The following ATP8B4 variants were observed in gnomAD, a reference collection of about 807,000 sequenced individuals.
ATP8B4 encodes the protein probable phospholipid-transporting ATPase IM.
A neutral mutation model predicts 145.6 loss-of-function variants in ATP8B4; 133 were observed. That is an observed-to-expected ratio of 0.91 (90% CI 0.79 to 1.05). The LOEUF is 1.05. Ranked by LOEUF, ATP8B4 falls within the 50% of genes least tolerant of loss-of-function variation. ATP8B4 has a pLI of 0.00. For synonymous variants in ATP8B4, 507 were observed against 492.9 expected (o/e 1.03, Z -0.38); for missense variants, 1,458 against 1,425.2 (o/e 1.02, Z -0.37).
intron 1 of ATP8B4, among the ~76,000 whole-genome samples, chr15:50,155,885 T>C (rs2044403861): frequency 6.6e-6 from 1 of 151,720 alleles, no homozygotes; most frequent in Admixed American, 6.6e-5. Context: ...CAATAGGTCA[T>C]CTAATGAAGG....
intron 1 of ATP8B4, among the ~76,000 whole-genome samples, chr15:50,158,657 T>C (rs1412346730): frequency 1.3e-5 from 2 of 152,182 alleles, no homozygotes; most frequent in African/African-American, 4.8e-5. Context: ...TTTTGTGGAA[T>C]AGAAAAGGGG....
At chr15:50,125,512 C>T (rs1304473224) in intron 1 of ATP8B4, among the ~76,000 whole-genome samples, 1 of 152,156 alleles carries the variant, frequency 6.6e-6, no homozygotes, top group Non-Finnish European at 1.5e-5. Context: ...AATTCTGTAT[C>T]AACCCCTCTG....
intron 27 of ATP8B4, among the ~76,000 whole-genome samples, chr15:49,861,473 T>TCTATCTATCTATCTAC (rs1285604644): frequency 0.016 from 2,106 of 135,490 alleles, 26 homozygotes; most frequent in South Asian, 0.036. Context: ...TATCTATCTA[T>TCTATCTATCTATCTAC]CTACCTACCT....
chr15:50,043,523 T>C (rs2051471281), intron 5 of ATP8B4, among the ~76,000 whole-genome samples: 1 of 152,132 alleles, frequency 6.6e-6, no homozygotes, highest in Admixed American at 6.5e-5. Context: ...TCTTCCTCCT[T>C]AGCCTACTAA....
intron 1 of ATP8B4, among the ~76,000 whole-genome samples, chr15:50,157,308 A>T (rs1392899798): frequency 1.3e-5 from 2 of 152,196 alleles, no homozygotes; most frequent in East Asian, 3.9e-4. Flanking sequence ...TATCAAAAAG[A>T]GAGAGACTCA....
At chr15:50,045,874 T>C (rs2051676181) in intron 4 of ATP8B4, among the ~76,000 whole-genome samples, 1 of 152,192 alleles carries the variant, frequency 6.6e-6, no homozygotes, top group South Asian at 2.1e-4. Flanking sequence ...TCTGGAATGG[T>C]GTGAAGTGTT....
chr15:49,886,739 C>G (rs1358129790), intron 23 of ATP8B4, among the ~76,000 whole-genome samples: 1 of 152,152 alleles, frequency 6.6e-6, no homozygotes, highest in South Asian at 2.1e-4. Context: ...TAGAAACCAA[C>G]TTTGCCATAT....
chr15:50,066,926 A>G (rs1369004616), intron 3 of ATP8B4, among the ~76,000 whole-genome samples: 1 of 152,010 alleles, frequency 6.6e-6, no homozygotes, highest in East Asian at 1.9e-4. Context: ...CCTCATAGGC[A>G]CCTACCATTA....
At position 49,979,773 on chromosome 15, in the gene ATP8B4, AT is replaced by A. The variant is rs767650920; in HGVS notation, c.877del (p.Ile293Ter). ...TTGACTCTCCCAGATTGAATTTCCT[AT>A]TGCAAGAATAATTCCCAAGCATATC... ...FLICLGIILA[I>X]GNSIWESQTG... On this transcript the variant is annotated frameshift_variant, in exon 12 of 28. Coordinates refer to ENST00000284509, the MANE Select transcript of ATP8B4 (RefSeq NM_024837.4). LOFTEE classifies it high-confidence loss of function. The A allele has an allele frequency of 1.9e-6, 3 of 1,607,674 alleles. No homozygotes were observed. Among genetic ancestry groups the A allele is most frequent in the African/African-American group, 1.3e-5 (1 of 74,712 alleles).
At chr15:50,033,493 A>T (rs898154151) in intron 6 of ATP8B4, among the ~76,000 whole-genome samples, 2 of 152,246 alleles carry the variant, frequency 1.3e-5, no homozygotes, top group Non-Finnish European at 2.9e-5. Context: ...AAGAATGAAC[A>T]GAGAATCCTC....
intron 7 of ATP8B4, among the ~76,000 whole-genome samples, chr15:50,004,962 G>A (rs2048194743): frequency 6.6e-6 from 1 of 152,164 alleles, no homozygotes; most frequent in African/African-American, 2.4e-5. Context: ...GGGCATCATG[G>A]AATATTCTAG....
chr15:50,068,341 A>G (rs1212188748), intron 3 of ATP8B4, among the ~76,000 whole-genome samples: 1 of 152,204 alleles, frequency 6.6e-6, no homozygotes, highest in Non-Finnish European at 1.5e-5. Context: ...AACACTTTGG[A>G]AAATCCAAAT....
chr15:49,933,712 A>G (rs969100624), intron 15 of ATP8B4, among the ~76,000 whole-genome samples: 4 of 152,074 alleles, frequency 2.6e-5, no homozygotes, highest in African/African-American at 7.2e-5. Flanking sequence ...GTGGTGCTCA[A>G]TTGTAAGAAC....
At position 49,918,875 on chromosome 15, in the gene ATP8B4, T is replaced by G; in HGVS notation, c.1999A>C (p.Asn667His). ...CCTGTTAGGACCCAGATCTTAATAT[T>G]GGCTAGTGATAAACTTGTAACTGTT... is the stretch of plus-strand genomic sequence containing the variant. ...IETVTSLSLA[N>H]IKIWVLTGDK... The change falls in exon 19 of 28, where the codon AAT becomes CAT. Residue 667 changes from asparagine (N) to histidine (H), a missense_variant. Coordinates refer to ENST00000284509, the MANE Select transcript of ATP8B4 (RefSeq NM_024837.4). 1 of 1,613,462 alleles carries G rather than the reference T, an allele frequency of 6.2e-7. No individual in the cohort carries two copies. Among genetic ancestry groups the G allele is most frequent in the African/African-American group, 1.3e-5 (1 of 75,036 alleles).
chr15:50,111,909 T>C (rs1271628621), intron 1 of ATP8B4, among the ~76,000 whole-genome samples: 1 of 152,204 alleles, frequency 6.6e-6, no homozygotes, highest in Non-Finnish European at 1.5e-5. Flanking sequence ...GGCTCATGCC[T>C]GTAATCCCAA....
In ATP8B4 at chr15:50,113,838, C is replaced by CAAAAAAAA. The variant is rs67648465; in HGVS notation, c.-43+5277_-43+5284dup. Among the ~76,000 whole-genome samples the CAAAAAAAA allele has an allele frequency of 9.8e-4, 66 of 67,254 alleles. 2 individuals are homozygous for CAAAAAAAA. The highest frequency in any genetic ancestry group is 4.1e-3 in the African/African-American group (64 of 15,458). 44.1% of individuals were successfully genotyped at this position (67,254 alleles called of 152,430 possible). On this transcript the variant is annotated intron_variant, in intron 1 of 27. Transcript: ENST00000284509. Reference sequence around the variant, plus strand: ...CGGGCAACAACACGAAACTCCATCTCAAAAAAAAAAAAAAAAAAAAAAAAA... The same window carrying CAAAAAAAA: ...CGGGCAACAACACGAAACTCCATCTCAAAAAAAAAAAAAAAAAAAAAAAAAAAAAAAAA...
At chr15:50,175,976 A>C (rs548636692) in intron 1 of ATP8B4, among the ~76,000 whole-genome samples, 2 of 152,180 alleles carry the variant, frequency 1.3e-5, no homozygotes, top group East Asian at 3.9e-4. Flanking sequence ...TGAGTGGTTA[A>C]AGATACTGTG....
At chr15:49,911,846 C>A (rs2039260850) in intron 20 of ATP8B4, among the ~76,000 whole-genome samples, 1 of 151,996 alleles carries the variant, frequency 6.6e-6, no homozygotes, top group African/African-American at 2.4e-5. Flanking sequence ...TCTTCTCAGA[C>A]CACAATGGAA....
rs761013507 is a variant in ATP8B4 at position 49,965,360 on chromosome 15, CT to C, written c.1244-3341del. On this transcript the variant is annotated intron_variant, in intron 13 of 27. Coordinates refer to ENST00000284509, the MANE Select transcript of ATP8B4 (RefSeq NM_024837.4). The stretch of plus-strand genomic sequence containing the variant: ...TCAGGGGACAAAGGAAAAGTTTCCC[CT>C]TTTTCTTGGATTTCCTTTACCTCCT... Among the ~76,000 whole-genome samples the C allele has an allele frequency of 3.9e-5, 6 of 152,158 alleles. 1 individual carries two copies. The South Asian group carries it at 1.0e-3, about 26-fold the overall frequency.
Sources: allele counts gnomAD v4.1 joint callset (sites outside exome capture counted in the v4.1 genomes callset), GRCh38; gene constraint gnomAD v4.1.1; transcripts MANE v1.5; gene names NCBI Gene and HGNC (gene_info 2026-07-23, HGNC 2026-07-21).